The following BMP8A variants were observed in gnomAD, a reference collection of about 807,000 sequenced individuals.
The protein encoded by BMP8A is BMP-8A.
Under a neutral mutation model 36.8 loss-of-function variants are expected in BMP8A, and 14 were observed. The ratio of observed to expected loss-of-function variants is 0.38; its 90% CI spans 0.25 to 0.60. The LOEUF is 0.60. Ranked by LOEUF, BMP8A falls within the 20% of genes least tolerant of loss-of-function variation. BMP8A has a pLI of 0.63. For synonymous variants in BMP8A, 120 were observed against 237.7 expected (o/e 0.50, Z 4.55); for missense variants, 267 against 551.1 (o/e 0.48, Z 5.16).
chr1:39,523,435 G>GAAAC (rs1227757778), intron 6 of BMP8A: 7 of 1,200,832 alleles, frequency 5.8e-6, no homozygotes, highest in Non-Finnish European at 7.8e-6. Context: ...CACAGCACAT[G>GAAAC]AAACAGATGT....
chr1:39,498,501 G>A (rs571881561), intron 1 of BMP8A, among the ~76,000 whole-genome samples: 120 of 152,284 alleles, frequency 7.9e-4, no homozygotes, highest in African/African-American at 2.8e-3. Context: ...GGCCTGGACC[G>A]GTAATTATGA....
chr1:39,513,995 G>T (rs1645377704), intron 3 of BMP8A, among the ~76,000 whole-genome samples: 1 of 151,600 alleles, frequency 6.6e-6, no homozygotes, highest in Non-Finnish European at 1.5e-5. Context: ...TGTCATTTGT[G>T]TCCTGCTGTG....
chr1:39,522,662 TG>T (rs764674008), intron 5 of BMP8A, among the ~76,000 whole-genome samples, 180 bp downstream of exon 5: 3 of 135,514 alleles, frequency 2.2e-5, no homozygotes, highest in Non-Finnish European at 5.3e-5. Context: ...GTTGTTGTTG[TG>T]TTTTTTGTTT....
rs1282388915 is a variant in BMP8A at position 39,527,137 on chromosome 1, G to A, written c.*1339G>A. ...TATGAACAAGCTGGCCACCAAAATT[G>A]GCGTCACCCTGGGTGCCCACCAGCG... On this transcript the variant is annotated 3_prime_UTR_variant, in exon 7 of 7. Transcript: ENST00000331593. Among the ~76,000 whole-genome samples the A allele has an allele frequency of 6.6e-6, 1 of 152,120 alleles. No homozygotes were observed. The highest frequency in any genetic ancestry group is 2.4e-5 in the African/African-American group (1 of 41,432).
At chr1:39,517,318 A>AT (rs969784976) in intron 3 of BMP8A, among the ~76,000 whole-genome samples, 18 of 149,518 alleles carry the variant, frequency 1.2e-4, no homozygotes, top group East Asian at 5.8e-4. Context: ...GCTTACTGTA[A>AT]TTTTTTTTTC....
intron 1 of BMP8A, among the ~76,000 whole-genome samples, chr1:39,504,622 C>T (rs1422007082): frequency 6.6e-6 from 1 of 152,264 alleles, no homozygotes; most frequent in East Asian, 1.9e-4. Context: ...TGCCCCTCCA[C>T]ACCTGTGGGT....
Position 39,492,343 on chromosome 1 carries a change from C to G in BMP8A, c.334+18C>G, listed in dbSNP as rs1277202646. On this transcript the variant is annotated intron_variant, in intron 1 of 6. Coordinates refer to ENST00000331593, the MANE Select transcript of BMP8A (RefSeq NM_181809.4). ...CAACATGGGTGAGTGCGGCCGCCCG[C>G]GCGGGGACCCTCGGAGTAAGCTGGC... The G allele has an allele frequency of 2.0e-6, 3 of 1,536,172 alleles. No homozygotes were observed. Among genetic ancestry groups the G allele is most frequent in the Admixed American group, 4.0e-5 (2 of 49,806 alleles).
In BMP8A at chr1:39,526,388, G is replaced by A. The variant is rs905193638; in HGVS notation, c.*590G>A. Among the ~76,000 whole-genome samples, 4 of 151,204 alleles carry A rather than the reference G, an allele frequency of 2.6e-5. No homozygotes were observed. The highest frequency in any genetic ancestry group is 4.9e-5 in the African/African-American group (2 of 40,984). On this transcript the variant is annotated 3_prime_UTR_variant, in exon 7 of 7. Coordinates refer to ENST00000331593, the MANE Select transcript of BMP8A (RefSeq NM_181809.4). ...GAGTCTCACTCTGTCACCCAGGCTG[G>A]AGTGCAGTGGTGCAATCCTGGCTCA...
chr1:39,506,499 G>A (rs981160042), intron 1 of BMP8A, among the ~76,000 whole-genome samples: 2 of 151,276 alleles, frequency 1.3e-5, no homozygotes, highest in Admixed American at 6.6e-5. Flanking sequence ...GAGCCACCGC[G>A]CCCCCCCCAA....
In BMP8A at chr1:39,522,493, A is replaced by C. The variant is rs1553472129; in HGVS notation, c.948+11A>C. ...GACCTTGGCTGGCTGGTAATTGCTG[A>C]CTCTCCTTGTTTCTGAAATGACAAT... is the stretch of plus-strand genomic sequence containing the variant. On this transcript the variant is annotated intron_variant, in intron 5 of 6. Transcript: ENST00000331593. 6.2e-7 allele frequency: 1 copy of C among 1,613,564 alleles called. No individual in the cohort carries two copies. Among genetic ancestry groups the C allele is most frequent in the East Asian group, 2.2e-5 (1 of 44,846 alleles).
At position 39,523,016 on chromosome 1, in the gene BMP8A, A is replaced by G; in HGVS notation, c.958A>G (p.Ile320Val). 1.2e-6 allele frequency: 2 copies of G among 1,610,174 alleles called. No homozygotes were observed. The highest frequency in any genetic ancestry group is 1.7e-6 in the Non-Finnish European group (2 of 1,177,916). The change falls in exon 6 of 7, where the codon ATC (isoleucine) becomes GTC (valine). Residue 320 changes from isoleucine to valine, a missense_variant. Around this residue, in one of 7 missense-constraint regions of BMP8A, gnomAD observed 132 missense variants for 151.3 expected, o/e 0.87. Coordinates refer to ENST00000331593, the MANE Select transcript of BMP8A (RefSeq NM_181809.4). ...FQDLGWLDWV[I>V]APQGYSAYYC... ...CTCCCTTGCCCCCCAGGACTGGGTC[A>G]TCGCCCCCCAAGGCTACTCAGCCTA... is the stretch of plus-strand genomic sequence containing the variant.
intron 1 of BMP8A, among the ~76,000 whole-genome samples, chr1:39,504,541 G>T (rs1645282758): frequency 6.6e-6 from 1 of 152,122 alleles, no homozygotes; most frequent in Admixed American, 6.5e-5. Context: ...GTCTCAGTCG[G>T]TATAGTGTGA....
chr1:39,523,661 A>G, intron 6 of BMP8A: 1 of 1,448,264 alleles, frequency 6.9e-7, no homozygotes. Context: ...TTTTCTCTGG[A>G]TCCCCTGGCT....
chr1:39,503,508 CTTTTTTTTTTTTTT>C (rs35892449), intron 1 of BMP8A, among the ~76,000 whole-genome samples: 1 of 69,960 alleles, frequency 1.4e-5, no homozygotes, highest in African/African-American at 5.6e-5. Flanking sequence ...TACAGTCTTT[CTTTTTTTTTTTTTT>C]TTTTTTTTTT....
In BMP8A at chr1:39,527,887, C is replaced by G. The variant is rs1189018109; in HGVS notation, c.*2089C>G. ...CAAAGGCTCTTCCAACCCAGAGAACCCATCTGCCCCCATGACCTTCTCCCA... is the reference window on the plus strand; with the variant it reads ...CAAAGGCTCTTCCAACCCAGAGAACGCATCTGCCCCCATGACCTTCTCCCA... On this transcript the variant is annotated 3_prime_UTR_variant, in exon 7 of 7. Coordinates refer to ENST00000331593, the MANE Select transcript of BMP8A (RefSeq NM_181809.4). 6.6e-6 allele frequency among the ~76,000 whole-genome samples: 1 copy of G among 152,226 alleles called. No homozygotes were observed.
intron 6 of BMP8A, 102 bp from the exon 7 acceptor site, chr1:39,525,547 G>A: frequency 6.9e-6 from 10 of 1,451,778 alleles, no homozygotes; most frequent in African/African-American, 1.4e-5. Context: ...GTGGCTTGGA[G>A]ATGGCCAGGG....
chr1:39,492,101 G>A lies in BMP8A; in HGVS notation c.110G>A (p.Gly37Asp). ...PPPGCPQRRL[G>D]ARERRDVQRE... ...CCCGGCTGTCCCCAGCGACGTCTGGGCGCGCGCGAGCGCCGGGACGTGCAG... is the reference window on the plus strand; with the variant it reads ...CCCGGCTGTCCCCAGCGACGTCTGGACGCGCGCGAGCGCCGGGACGTGCAG... Residue 37 changes from glycine to aspartate, a missense_variant, in exon 1 of 7, where the codon GGC becomes GAC. Coordinates refer to ENST00000331593, the MANE Select transcript of BMP8A (RefSeq NM_181809.4). The A allele has an allele frequency of 8.5e-7, 1 of 1,172,622 alleles. No homozygotes were observed. Among genetic ancestry groups the A allele is most frequent in the Admixed American group, 4.7e-5 (1 of 21,490 alleles). 72.6% of individuals were successfully genotyped at this position (1,172,622 alleles called of 1,614,324 possible).
At chr1:39,510,885 A>G (rs1041119137) in intron 1 of BMP8A, among the ~76,000 whole-genome samples, 31 of 152,330 alleles carry the variant, frequency 2.0e-4, no homozygotes, top group Non-Finnish European at 3.4e-4. Context: ...CAGCCGGGCC[A>G]AGAAGGGGCG....
intron 3 of BMP8A, among the ~76,000 whole-genome samples, chr1:39,516,849 G>A (rs963964702): frequency 6.6e-6 from 1 of 152,148 alleles, no homozygotes; most frequent in African/African-American, 2.4e-5. Context: ...AAAAACTGAC[G>A]AGGGAGAAAA....
Sources: allele counts gnomAD v4.1 joint callset (sites outside exome capture counted in the v4.1 genomes callset), GRCh38; gene constraint gnomAD v4.1.1; regional missense constraint gnomAD v4.1.1; transcripts MANE v1.5; gene names NCBI Gene and HGNC (gene_info 2026-07-23, HGNC 2026-07-21).